RPS6KA2: variants seen among roughly 807,000 people sequenced by gnomAD.
RPS6KA2 encodes ribosomal protein S6 kinase alpha-2.
Under a neutral mutation model 91.8 loss-of-function variants are expected in RPS6KA2, and 42 were observed. That is an observed-to-expected ratio of 0.46 (90% confidence interval 0.36 to 0.59). RPS6KA2 has a LOEUF of 0.59. RPS6KA2 is among the 20% of genes least tolerant of loss of function. The probability of loss-of-function intolerance (pLI) is 0.00; values close to 1 mark genes in which losing one functional copy is unlikely to be tolerated. For missense variants in RPS6KA2, 798 were observed against 978.5 expected, an observed-to-expected ratio of 0.82 and a Z score of 2.46; for synonymous variants, 414 against 393.6, an observed-to-expected ratio of 1.05 and a Z score of -0.61.
intron 3 of RPS6KA2, among the ~76,000 whole-genome samples, chr6:166,517,463 T>TTG (rs1782692236): frequency 1.8e-5 from 1 of 54,836 alleles, no homozygotes; most frequent in African/African-American, 5.0e-5. Context: ...TTGTTTTTTT[T>TTG]TTTTTTTTTT....
In RPS6KA2 at chr6:166,635,878, G is replaced by A. The variant is rs890074964; in HGVS notation, c.124-97094C>T. On this transcript the variant is annotated intron_variant, in intron 2 of 21. Coordinates refer to the RPS6KA2 transcript ENST00000503859. The surrounding 1 kb of genome is among the most constrained non-coding windows in gnomAD (Gnocchi z 4.8). The stretch of plus-strand genomic sequence containing the variant: ...GGGTGTCTTAAGTCTGACCCTGCTC[G>A]TCTTCTGCGTCCACTCCAGGACAAG... 1.3e-5 allele frequency among the ~76,000 whole-genome samples: 2 copies of A among 152,020 alleles called. No homozygotes were observed. The highest frequency in any genetic ancestry group is 2.4e-5 in the African/African-American group (1 of 41,358).
At chr6:166,512,620 C>T (rs1782509269) in intron 3 of RPS6KA2, among the ~76,000 whole-genome samples, 1 of 152,192 alleles carries the variant, frequency 6.6e-6, no homozygotes, top group Non-Finnish European at 1.5e-5. Flanking sequence ...CCCGTTTGGT[C>T]TGTAATACTG....
At position 166,570,496 on chromosome 6, in the gene RPS6KA2, A is replaced by G. The variant is rs140058004; in HGVS notation, c.100-31712T>C. On this transcript the variant is annotated intron_variant, in intron 1 of 20. Coordinates refer to ENST00000265678, the MANE Select transcript of RPS6KA2 (RefSeq NM_021135.6). ...TAAACTTAGGATATAAGAAATTGCC[A>G]CCAATACTTAAAACTCTTGGACATT... 8.3e-3 allele frequency among the ~76,000 whole-genome samples: 1,267 copies of G among 152,356 alleles called. 10 individuals carry two copies. Among genetic ancestry groups the G allele is most frequent in the Non-Finnish European group, 0.013 (914 of 68,040 alleles).
rs1468053797 is a variant in RPS6KA2 at position 166,626,115 on chromosome 6, T to G, written c.99+806A>C. Among the ~76,000 whole-genome samples the G allele has an allele frequency of 6.6e-6, 1 of 152,240 alleles. No homozygotes were observed. The highest frequency in any genetic ancestry group is 2.4e-5 in the African/African-American group (1 of 41,472). On this transcript the variant is annotated intron_variant, in intron 1 of 20. Transcript: ENST00000265678. This position sits in a 1 kb window ranked among gnomAD's most constrained non-coding sequence, Gnocchi z 4.1. ...CTCCCCATCACCATGTCTTTTTCAC[T>G]TAAACACGTTTCACTGTTTTGTCAT... is the stretch of plus-strand genomic sequence containing the variant.
chr6:166,604,948 G>A (rs1016994961), intron 1 of RPS6KA2, among the ~76,000 whole-genome samples: 3 of 151,980 alleles, frequency 2.0e-5, no homozygotes, highest in Non-Finnish European at 2.9e-5. Context: ...TATATTATCG[G>A]GATTGATATC....
intron 2 of RPS6KA2, among the ~76,000 whole-genome samples, chr6:166,532,015 C>A (rs912431975): frequency 6.6e-6 from 1 of 151,998 alleles, no homozygotes; most frequent in Admixed American, 6.6e-5. Flanking sequence ...GAAAATAGTA[C>A]TTGATTTTCC....
At position 166,665,290 on chromosome 6, in the gene RPS6KA2, G is replaced by A. The variant is rs1788282845; in HGVS notation, c.124-126506C>T. Among the ~76,000 whole-genome samples, 2 of 152,160 alleles carry A rather than the reference G, an allele frequency of 1.3e-5. No individual in the cohort carries two copies. The highest frequency in any genetic ancestry group is 2.9e-5 in the Non-Finnish European group (2 of 68,034). ...GTGACTTACAGGAGCACCCCGAGGT[G>A]TATAAGAGTGTCCCTAAATTGATGT... On this transcript the variant is annotated intron_variant, in intron 2 of 21. Coordinates refer to the RPS6KA2 transcript ENST00000503859. This position sits in a 1 kb window ranked among gnomAD's most constrained non-coding sequence, Gnocchi z 4.5.
At chr6:166,539,900 T>C (rs1039832338) in intron 1 of RPS6KA2, among the ~76,000 whole-genome samples, 1 of 152,262 alleles carries the variant, frequency 6.6e-6, no homozygotes, top group Non-Finnish European at 1.5e-5. Context: ...CACCCCTTTC[T>C]ACAGTTTTAG....
intron 2 of RPS6KA2, among the ~76,000 whole-genome samples, chr6:166,636,314 T>A (rs1787240837): frequency 6.6e-6 from 1 of 152,132 alleles, no homozygotes. Context: ...GGATAGCCTA[T>A]CTCGGACAGG....
intron 2 of RPS6KA2, chr6:166,702,292 G>A: frequency 1.2e-6 from 2 of 1,613,526 alleles, no homozygotes; most frequent in Non-Finnish European, 1.7e-6. Flanking sequence ...CCTGCCTTGA[G>A]GAGCCCCTCT....
chr6:166,527,172 C>T (rs548741762), intron 3 of RPS6KA2, among the ~76,000 whole-genome samples: 2 of 152,232 alleles, frequency 1.3e-5, no homozygotes, highest in Non-Finnish European at 2.9e-5. Flanking sequence ...TCCTCCATTC[C>T]ACTGTATTCC....
intron 6 of RPS6KA2, among the ~76,000 whole-genome samples, chr6:166,503,262 G>A (rs1387912833): frequency 2.0e-5 from 3 of 152,152 alleles, no homozygotes; most frequent in Admixed American, 1.3e-4. Flanking sequence ...GGCGTTCCAC[G>A]GACTGGTGGT....
chr6:166,786,845 A>G (rs1315525391), intron 2 of RPS6KA2, among the ~76,000 whole-genome samples: 1 of 152,168 alleles, frequency 6.6e-6, no homozygotes, highest in African/African-American at 2.4e-5. Flanking sequence ...AGAGTAATAT[A>G]TATAATTCCA....
rs1205335250 is a variant in RPS6KA2 at position 166,490,561 on chromosome 6, C to G, written c.818+110G>C. On this transcript the variant is annotated intron_variant, in intron 9 of 20. Transcript: ENST00000265678. The surrounding 1 kb of genome is among the most constrained non-coding windows in gnomAD (Gnocchi z 4.2). ...GAAAACAGCTTACAATACTTTGGCA[C>G]TGTAAGCCTAGCAATGTAATTAAAA... 27 of 783,790 alleles carry G rather than the reference C, an allele frequency of 3.4e-5. No homozygotes were observed. The highest frequency in any genetic ancestry group is 5.7e-5 in the Non-Finnish European group (26 of 459,564). 48.6% of individuals were successfully genotyped at this position (783,790 alleles called of 1,614,324 possible). A position where few individuals can be genotyped will look rare whatever the true frequency, so the allele number is the denominator to read the frequency against.
At chr6:166,499,140 G>A (rs964083467) in intron 7 of RPS6KA2, among the ~76,000 whole-genome samples, 19 of 152,162 alleles carry the variant, frequency 1.2e-4, no homozygotes, top group Non-Finnish European at 2.4e-4. Context: ...ACAGACAGGC[G>A]GAGGAGGCCT....
At chr6:166,466,898 C>CCTTACTCATTCCCTCCCTCA (rs149393454) in intron 11 of RPS6KA2, among the ~76,000 whole-genome samples, 1 of 150,198 alleles carries the variant, frequency 6.7e-6, no homozygotes, top group Admixed American at 6.6e-5. Flanking sequence ...TCACTCACTC[C>CCTTACTCATTCCCTCCCTCA]CTCATTCACT....
chr6:166,797,916 A>G (rs1029536178), intron 2 of RPS6KA2, among the ~76,000 whole-genome samples: 1 of 152,168 alleles, frequency 6.6e-6, no homozygotes, highest in African/African-American at 2.4e-5. Flanking sequence ...AGGTAAAAGA[A>G]TCAAACCTTG....
At chr6:166,823,134 A>G (rs1779945414) in intron 2 of RPS6KA2, among the ~76,000 whole-genome samples, 1 of 152,220 alleles carries the variant, frequency 6.6e-6, no homozygotes, top group South Asian at 2.1e-4. Context: ...GCTACATGAG[A>G]CAGGGGACCA....
rs1778660743 is a variant in RPS6KA2, at chr6:166,419,824, G to A, written c.1820+58C>T. ...CTGGCCCTGGTCCCCTGACAGATCAGCCACTGAGGCTGCTGCCCTGTGTCT... is the reference window on the plus strand; with the variant it reads ...CTGGCCCTGGTCCCCTGACAGATCAACCACTGAGGCTGCTGCCCTGTGTCT... On this transcript the variant is annotated intron_variant, in intron 18 of 20. Coordinates refer to ENST00000265678, the MANE Select transcript of RPS6KA2 (RefSeq NM_021135.6). This position sits in a 1 kb window ranked among gnomAD's most constrained non-coding sequence, Gnocchi z 5.6. 4.7e-6 allele frequency: 7 copies of A among 1,493,544 alleles called. No homozygotes were observed. In the Admixed American group the frequency reaches 1.2e-4, roughly 25 times the overall value. The allele number at this position is 1,493,544 out of a possible 1,614,324, so 92.5% of individuals were successfully genotyped here. A position where few individuals can be genotyped will look rare whatever the true frequency, so the allele number is the denominator to read the frequency against.
Sources: allele counts gnomAD v4.1 joint callset (sites outside exome capture counted in the v4.1 genomes callset), GRCh38; gene constraint gnomAD v4.1.1; non-coding constraint Gnocchi (gnomAD v3.1); transcripts MANE v1.5; gene names NCBI Gene and HGNC (gene_info 2026-07-23, HGNC 2026-07-21).